Variants in LTO1 observed in about 807,000 individuals in gnomAD.
LTO1 encodes the protein LTO1 maturation factor of ABCE1.
A neutral mutation model predicts 19.8 loss-of-function variants in LTO1; 18 were observed. That is an observed-to-expected ratio of 0.91 (90% CI 0.63 to 1.35). The LOEUF is 1.35. LTO1 is among the 40% of genes most tolerant of loss of function. LTO1 has a pLI of 0.00. For synonymous variants in LTO1, 59 were observed against 59.6 expected, an observed-to-expected ratio of 0.99 and a Z score of 0.05; for missense variants, 175 against 167.9, an observed-to-expected ratio of 1.04 and a Z score of -0.23.
chr11:69,674,980 C>G (rs549128313), intron 1 of LTO1: 5 of 693,636 alleles, frequency 7.2e-6, no homozygotes, highest in African/African-American at 5.3e-5. Context: ...GGAAGAGCAG[C>G]TGGGCACGTG....
chr11:69,666,849 A>C lies in LTO1; in HGVS notation c.*670T>G, dbSNP rs899265277. 2 of 151,880 alleles carry C rather than the reference A, an allele frequency of 1.3e-5. No homozygotes were observed. The highest frequency in any genetic ancestry group is 4.8e-5 in the African/African-American group (2 of 41,342). 9.4% of individuals were successfully genotyped at this position (151,880 alleles called of 1,614,324 possible). ...GCAGGACCTGTGCGGCCTGGGAGGG[A>C]GGGCAGGGACTCGCCTGTGCATTCC... On this transcript the variant is annotated 3_prime_UTR_variant, in exon 5 of 5. Coordinates refer to ENST00000279147, the MANE Select transcript of LTO1 (RefSeq NM_153451.3).
At chr11:69,674,941 G>T (rs1005454984) in intron 1 of LTO1, 2 of 688,848 alleles carry the variant, frequency 2.9e-6, no homozygotes, top group Admixed American at 4.0e-5. Flanking sequence ...GCAGATGTTT[G>T]GGGCAGCCCT....
chr11:69,672,436 T>C (rs1260447041), intron 2 of LTO1: 1 of 156,448 alleles, frequency 6.4e-6, no homozygotes, highest in Non-Finnish European at 1.4e-5. Flanking sequence ...GCATCGAACA[T>C]CCAATATAGT....
rs1355886363 is a variant in LTO1, at chr11:69,666,279, G to A, written c.*1240C>T. 2.0e-5 allele frequency: 3 copies of A among 152,068 alleles called. No homozygotes were observed. The highest frequency in any genetic ancestry group is 4.4e-5 in the Non-Finnish European group (3 of 67,934). 9.4% of individuals were successfully genotyped at this position (152,068 alleles called of 1,614,324 possible). Reference sequence around the variant, plus strand: ...TAGGCAGCACAACACAATCCACTAGGACATTCGGGAATGGTTTTAAAACCA... The same window carrying A: ...TAGGCAGCACAACACAATCCACTAGAACATTCGGGAATGGTTTTAAAACCA... On this transcript the variant is annotated 3_prime_UTR_variant, in exon 5 of 5. Transcript: ENST00000279147.
intron 3 of LTO1, among the ~76,000 whole-genome samples, chr11:69,669,797 G>A (rs950458965): frequency 8.5e-5 from 13 of 152,352 alleles, no homozygotes; most frequent in South Asian, 8.3e-4. Flanking sequence ...GCCGGGGACA[G>A]AAGTGTCACG....
intron 3 of LTO1, among the ~76,000 whole-genome samples, chr11:69,669,249 G>A (rs541200788): frequency 2.0e-5 from 3 of 152,162 alleles, no homozygotes; most frequent in East Asian, 1.9e-4. Flanking sequence ...CCTCTATGCC[G>A]CATTGGACCA....
chr11:69,668,053 C>T (rs750406809), intron 3 of LTO1, 41 bp from the exon 4 acceptor site: 18 of 956,406 alleles, frequency 1.9e-5, no homozygotes, highest in Non-Finnish European at 3.4e-6. Flanking sequence ...CATGTGCACA[C>T]AACAGGCTCA....
intron 3 of LTO1, among the ~76,000 whole-genome samples, chr11:69,670,540 T>C (rs1203291681): frequency 6.6e-6 from 1 of 152,244 alleles, no homozygotes; most frequent in Non-Finnish European, 1.5e-5. Flanking sequence ...GACTCCCAAC[T>C]GCTGGTACAA....
chr11:69,674,702 G>A (rs1268562015), intron 1 of LTO1: 1 of 455,382 alleles, frequency 2.2e-6, no homozygotes, highest in Non-Finnish European at 4.4e-6. Context: ...CCGGGCACTG[G>A]AAGTCAGCCA....
chr11:69,673,718 G>A (rs1856146484), intron 1 of LTO1, among the ~76,000 whole-genome samples: 1 of 146,836 alleles, frequency 6.8e-6, no homozygotes, highest in Non-Finnish European at 1.5e-5. Context: ...TTGAGACAGG[G>A]TCTCTGTTGC....
chr11:69,675,195 A>T lies in LTO1; in HGVS notation c.45T>A (p.Asp15Glu). 1 of 1,562,958 alleles carries T rather than the reference A, an allele frequency of 6.4e-7. No individual in the cohort carries two copies. Among genetic ancestry groups the T allele is most frequent in the Non-Finnish European group, 8.6e-7 (1 of 1,160,340 alleles). ...QDIFDAIVMA[D>E]ERFHGEGYRE... is the part of the protein sequence containing the mutation. The stretch of plus-strand genomic sequence containing the variant: ...GGCCCGGCCTCACCACCCACCTCTC[A>T]TCCGCCATCACGATGGCATCGAATA... Residue 15 changes from aspartate (D) to glutamate (E), a missense_variant, in exon 1 of 5, where the codon GAT becomes GAA. By Grantham distance (45) the Asp-to-Glu change is conservative (BLOSUM62 2). Coordinates refer to ENST00000279147, the MANE Select transcript of LTO1 (RefSeq NM_153451.3).
chr11:69,673,260 C>G lies in LTO1; in HGVS notation c.112G>C (p.Gly38Arg). The G allele has an allele frequency of 6.2e-7, 1 of 1,613,830 alleles. No individual in the cohort carries two copies. Among genetic ancestry groups the G allele is most frequent in the Non-Finnish European group, 8.5e-7 (1 of 1,179,714 alleles). ...CCATGCAGCGTGCCATGCTGCCTTC[C>G]CTCCATCACACCCAAACTACTGCCT... ...EEGSSLGVME[G>R]RQHGTLHGAK... The change falls in exon 2 of 5, where the codon GGA becomes CGA. Residue 38 changes from glycine to arginine, a missense_variant. Physicochemically the swap from Gly to Arg is moderately radical, Grantham distance 125. Coordinates refer to ENST00000279147, the MANE Select transcript of LTO1 (RefSeq NM_153451.3).
rs774441881 is a variant in LTO1, at chr11:69,667,468, G to A, written c.*51C>T. ...GGCCCTTCACCGCATTTCTAAACACGTCACACACACATCTGTTCCTCGACG... is the reference window on the plus strand; with the variant it reads ...GGCCCTTCACCGCATTTCTAAACACATCACACACACATCTGTTCCTCGACG... On this transcript the variant is annotated 3_prime_UTR_variant, in exon 5 of 5. Transcript: ENST00000279147. 1.3e-5 allele frequency: 16 copies of A among 1,211,366 alleles called. No homozygotes were observed. The East Asian group carries it at 1.4e-4, about 11-fold the overall frequency. 75.0% of individuals were successfully genotyped at this position (1,211,366 alleles called of 1,614,324 possible).
chr11:69,675,267 C>T lies in LTO1; in HGVS notation c.-28G>A. 2 of 1,474,676 alleles carry T rather than the reference C, an allele frequency of 1.4e-6. No homozygotes were observed. Among genetic ancestry groups the T allele is most frequent in the Non-Finnish European group, 1.8e-6 (2 of 1,112,676 alleles). 91.3% of individuals were successfully genotyped at this position (1,474,676 alleles called of 1,614,324 possible). A position where few individuals can be genotyped will look rare whatever the true frequency, so the allele number is the denominator to read the frequency against. ...CGGCAAGCAGCCCGCCCTTGGCCCC[C>T]GGGTTTCTGCAGCCCCGCGGTGCCG... On this transcript the variant is annotated 5_prime_UTR_variant, in exon 1 of 5. Coordinates refer to ENST00000279147, the MANE Select transcript of LTO1 (RefSeq NM_153451.3).
rs754264649 is a variant in LTO1, at chr11:69,667,498, G to A, written c.*21C>T. On this transcript the variant is annotated 3_prime_UTR_variant, in exon 5 of 5. Transcript: ENST00000279147. ...ACACACATCTGTTCCTCGACGTTCG[G>A]TCTCTGTTCATCCATCCTCCTCAAA... 74 of 1,528,994 alleles carry A rather than the reference G, an allele frequency of 4.8e-5. No individual in the cohort carries two copies. Among genetic ancestry groups the A allele is most frequent in the Non-Finnish European group, 6.5e-5 (72 of 1,102,412 alleles). The allele number at this position is 1,528,994 out of a possible 1,614,324, so 94.7% of individuals were successfully genotyped here. A position where few individuals can be genotyped will look rare whatever the true frequency, so the allele number is the denominator to read the frequency against.
intron 2 of LTO1, 158 bp downstream of exon 2, chr11:69,673,058 C>T: frequency 1.5e-6 from 1 of 688,178 alleles, no homozygotes; most frequent in Non-Finnish European, 2.7e-6. Flanking sequence ...CCACCTCAGA[C>T]TCCCAAAGTG....
At chr11:69,674,690 G>C (rs1319656593) in intron 1 of LTO1, 1 of 452,894 alleles carries the variant, frequency 2.2e-6, no homozygotes, top group Non-Finnish European at 4.4e-6. Context: ...GCGTCCTCTG[G>C]GCCGGGCACT....
chr11:69,667,828 G>C (rs1856054171), intron 4 of LTO1, 67 bp downstream of exon 4: 1 of 888,946 alleles, frequency 1.1e-6, no homozygotes, highest in African/African-American at 1.6e-5. Flanking sequence ...CCCCGGGAGT[G>C]CGCTGCCCCG....
Position 69,673,244 on chromosome 11 carries a change from G to A in LTO1, c.128C>T (p.Thr43Met), listed in dbSNP as rs372353397. 53 of 1,611,216 alleles carry A rather than the reference G, an allele frequency of 3.3e-5. No homozygotes were observed. The highest frequency in any genetic ancestry group is 4.3e-5 in the Non-Finnish European group (51 of 1,177,426). Residue 43 changes from threonine to methionine, a missense_variant, in exon 2 of 5, where the codon ACG (threonine) becomes ATG (methionine). Transcript: ENST00000279147. ...AGACCCGATTTTGGCTCCATGCAGC[G>A]TGCCATGCTGCCTTCCCTCCATCAC... is the stretch of plus-strand genomic sequence containing the variant. ...LGVMEGRQHG[T>M]LHGAKIGSEI...
Sources: allele counts gnomAD v4.1 joint callset (sites outside exome capture counted in the v4.1 genomes callset), GRCh38; gene constraint gnomAD v4.1.1; transcripts MANE v1.5; gene names NCBI Gene and HGNC (gene_info 2026-07-23, HGNC 2026-07-21).